Variants in ATF6 observed in about 807,000 individuals in gnomAD.
ATF6 encodes cyclic AMP-dependent transcription factor ATF-6 alpha.
Under a neutral mutation model 83.6 loss-of-function variants are expected in ATF6, and 53 were observed. The ratio of observed to expected loss-of-function variants is 0.63; its 90% CI spans 0.51 to 0.80. The LOEUF is 0.80. Ranked by LOEUF, ATF6 falls within the 30% of genes least tolerant of loss-of-function variation. The pLI is 0.00. For synonymous variants in ATF6, 288 were observed against 285.8 expected (o/e 1.01, Z -0.08); for missense variants, 744 against 797.9 (o/e 0.93, Z 0.81).
intron 14 of ATF6, among the ~76,000 whole-genome samples, chr1:161,865,359 C>G (rs1466507508): frequency 6.6e-6 from 1 of 152,066 alleles, no homozygotes; most frequent in Non-Finnish European, 1.5e-5. Context: ...GGGGTTTCAC[C>G]ATGTTGGCCA....
intron 1 of ATF6, among the ~76,000 whole-genome samples, chr1:161,777,542 A>G (rs745513770): frequency 4.6e-5 from 7 of 152,312 alleles, no homozygotes; most frequent in Middle Eastern, 3.4e-3. Context: ...TAAAGTTTTG[A>G]AAGTGTCAGA....
intron 9 of ATF6, among the ~76,000 whole-genome samples, chr1:161,822,559 T>C (rs1685792806): frequency 1.1e-4 from 17 of 152,166 alleles, no homozygotes; most frequent in Admixed American, 1.1e-3. Flanking sequence ...AAACATTTTT[T>C]ATGAAGATTT....
At chr1:161,783,384 C>T (rs1316045574) in intron 3 of ATF6, among the ~76,000 whole-genome samples, 2 of 152,034 alleles carry the variant, frequency 1.3e-5, no homozygotes, top group Non-Finnish European at 2.9e-5. Context: ...CACAGTCTGC[C>T]ATCCCCACCC....
chr1:161,920,334 G>A (rs1307673937), intron 15 of ATF6, among the ~76,000 whole-genome samples: 14 of 84,510 alleles, frequency 1.7e-4, no homozygotes, highest in Non-Finnish European at 2.3e-4. Context: ...TCGCTCTGTC[G>A]CCCAGGCTGG....
intron 9 of ATF6, among the ~76,000 whole-genome samples, chr1:161,829,052 G>A (rs1685976415): frequency 6.6e-6 from 1 of 152,128 alleles, no homozygotes; most frequent in East Asian, 1.9e-4. Context: ...TTACATAATG[G>A]TAAGGGGATC....
chr1:161,948,246 A>AAAGG (rs1240880358), intron 15 of ATF6, among the ~76,000 whole-genome samples: 1 of 152,186 alleles, frequency 6.6e-6, no homozygotes, highest in African/African-American at 2.4e-5. Context: ...TTTTTATCTG[A>AAAGG]ATAATATGGA....
chr1:161,819,512 AC>A (rs1557977456), intron 7 of ATF6, 120 bp from the exon 8 acceptor site: 1 of 679,700 alleles, frequency 1.5e-6, no homozygotes, highest in Admixed American at 3.8e-5. Flanking sequence ...TTTTGAAACA[AC>A]TAGTAACCTA....
intron 14 of ATF6, among the ~76,000 whole-genome samples, chr1:161,878,635 G>A (rs897505434): frequency 5.3e-5 from 8 of 152,102 alleles, no homozygotes; most frequent in Non-Finnish European, 1.2e-4. Context: ...AATTGGAGAA[G>A]GATGAGAGCA....
At chr1:161,920,798 G>A (rs1247705307) in intron 15 of ATF6, among the ~76,000 whole-genome samples, 2 of 152,134 alleles carry the variant, frequency 1.3e-5, no homozygotes, top group Non-Finnish European at 2.9e-5. Flanking sequence ...AAAAAAGGAG[G>A]TGTCTATCAA....
chr1:161,846,730 C>T, intron 10 of ATF6, 150 bp downstream of exon 10: 1 of 741,628 alleles, frequency 1.3e-6, no homozygotes, highest in South Asian at 4.2e-5. Context: ...ATACATTTTA[C>T]TTTTAATATT....
At position 161,909,338 on chromosome 1, in the gene ATF6, A is replaced by G. The variant is rs530377259; in HGVS notation, c.1720-2958A>G. Among the ~76,000 whole-genome samples, 21 of 152,308 alleles carry G rather than the reference A, an allele frequency of 1.4e-4. No homozygotes were observed. In the East Asian group the frequency reaches 3.7e-3, roughly 27 times the overall value. On this transcript the variant is annotated intron_variant, in intron 14 of 15. Coordinates refer to ENST00000367942, the MANE Select transcript of ATF6 (RefSeq NM_007348.4). Reference sequence around the variant, plus strand: ...AGGAGGAGGGAAGCCTTCCACCATTACCACCTTGAAGAAGTTGCCATTTCT... The same window carrying G: ...AGGAGGAGGGAAGCCTTCCACCATTGCCACCTTGAAGAAGTTGCCATTTCT...
intron 14 of ATF6, chr1:161,891,447 G>T: frequency 6.6e-6 from 1 of 152,370 alleles, no homozygotes. Context: ...CTCTCTATGC[G>T]GCTTCTCCAC....
chr1:161,906,609 C>T (rs1003549991), intron 14 of ATF6, among the ~76,000 whole-genome samples: 4 of 152,180 alleles, frequency 2.6e-5, no homozygotes, highest in Non-Finnish European at 5.9e-5. Context: ...ATTTCAAGCT[C>T]ATTTTTCCTC....
intron 9 of ATF6, among the ~76,000 whole-genome samples, chr1:161,828,028 A>G (rs1685947033): frequency 6.6e-6 from 1 of 152,202 alleles, no homozygotes; most frequent in African/African-American, 2.4e-5. Flanking sequence ...GGTTAAAAAG[A>G]AAATCCTCTT....
intron 9 of ATF6, among the ~76,000 whole-genome samples, chr1:161,837,102 G>A (rs1686239614): frequency 1.3e-5 from 2 of 152,138 alleles, no homozygotes; most frequent in African/African-American, 4.8e-5. Flanking sequence ...CTGTGTAAGT[G>A]CTGCAGAACA....
intron 10 of ATF6, among the ~76,000 whole-genome samples, chr1:161,851,233 A>AACAC (rs60202873): frequency 0.047 from 3,548 of 75,304 alleles, 172 homozygotes; most frequent in Admixed American, 0.16. Flanking sequence ...CCCTATCCTT[A>AACAC]ACACACACAC....
At chr1:161,954,438 T>A (rs1688926916) in intron 15 of ATF6, among the ~76,000 whole-genome samples, 1 of 152,220 alleles carries the variant, frequency 6.6e-6, no homozygotes, top group Admixed American at 6.5e-5. Flanking sequence ...TTTTTAGGGT[T>A]AGTGTTTGAT....
chr1:161,954,652 C>G (rs1225122595), intron 15 of ATF6, among the ~76,000 whole-genome samples: 1 of 152,178 alleles, frequency 6.6e-6, no homozygotes, highest in Non-Finnish European at 1.5e-5. Flanking sequence ...ACAGGCTGTT[C>G]AAAATTCCAC....
chr1:161,928,056 T>C (rs1688352969), intron 15 of ATF6, among the ~76,000 whole-genome samples: 1 of 152,224 alleles, frequency 6.6e-6, no homozygotes, highest in African/African-American at 2.4e-5. Context: ...TATTACTGGG[T>C]TCTTTAACAG....
Sources: allele counts gnomAD v4.1 joint callset (sites outside exome capture counted in the v4.1 genomes callset), GRCh38; gene constraint gnomAD v4.1.1; transcripts MANE v1.5; gene names NCBI Gene and HGNC (gene_info 2026-07-23, HGNC 2026-07-21).